CPE: variants seen among roughly 807,000 people sequenced by gnomAD.
The protein encoded by CPE is carboxypeptidase E.
A neutral mutation model predicts 53.5 loss-of-function variants in CPE; 17 were observed. The ratio of observed to expected loss-of-function variants is 0.32; its 90% CI spans 0.22 to 0.48. The LOEUF is 0.48. Among genes scored for constraint, CPE ranks in the 20% least tolerant of loss-of-function variants. The pLI is 0.99. For missense variants in CPE, 524 were observed against 614.7 expected, an observed-to-expected ratio of 0.85 and a Z score of 1.56; for synonymous variants, 226 against 228.8, an observed-to-expected ratio of 0.99 and a Z score of 0.11.
chr4:165,467,471 G>A (rs1336676872), intron 2 of CPE, among the ~76,000 whole-genome samples: 5 of 152,192 alleles, frequency 3.3e-5, no homozygotes, highest in Admixed American at 1.3e-4. Context: ...TCTGTCAGTC[G>A]TGGTAAGAAA....
intron 3 of CPE, among the ~76,000 whole-genome samples, chr4:165,474,280 A>G (rs72703696): frequency 0.15 from 22,106 of 152,104 alleles, 1,935 homozygotes; most frequent in East Asian, 0.24. Flanking sequence ...TCCAAGGCTG[A>G]CTTTTGTATT....
chr4:165,456,539 T>C (rs1042075335), intron 1 of CPE, among the ~76,000 whole-genome samples: 7 of 148,946 alleles, frequency 4.7e-5, no homozygotes, highest in Non-Finnish European at 8.8e-5. Flanking sequence ...TCTCTCTTTC[T>C]TTGTTTCTCT....
At chr4:165,416,992 T>G (rs868361263) in intron 1 of CPE, among the ~76,000 whole-genome samples, 2 of 152,192 alleles carry the variant, frequency 1.3e-5, no homozygotes, top group African/African-American at 4.8e-5. Context: ...CTTTCTTCAC[T>G]GTAATCTTGC....
chr4:165,474,188 A>T (rs1283787589), intron 3 of CPE, among the ~76,000 whole-genome samples: 4 of 152,196 alleles, frequency 2.6e-5, no homozygotes, highest in African/African-American at 9.7e-5. Context: ...CCTTCTCCTT[A>T]TCTCTATCCT....
chr4:165,386,138 C>T (rs985310113), intron 1 of CPE: 11 of 452,854 alleles, frequency 2.4e-5, no homozygotes, highest in African/African-American at 2.1e-4. Context: ...TATGAAATGA[C>T]AATAATGTGA....
chr4:165,404,551 A>G, intron 1 of CPE: 2 of 909,176 alleles, frequency 2.2e-6, no homozygotes, highest in Non-Finnish European at 3.7e-6. Flanking sequence ...CTTTGCCCAG[A>G]TCTTTGGCCA....
intron 1 of CPE, among the ~76,000 whole-genome samples, chr4:165,412,849 C>T (rs1244327409): frequency 6.6e-6 from 1 of 152,234 alleles, no homozygotes; most frequent in Non-Finnish European, 1.5e-5. Context: ...GCTTCCCAGC[C>T]TCTAAGCAGC....
intron 1 of CPE, among the ~76,000 whole-genome samples, chr4:165,457,198 T>C (rs1731917052): frequency 6.6e-6 from 1 of 152,200 alleles, no homozygotes; most frequent in African/African-American, 2.4e-5. Flanking sequence ...TACTGGCATA[T>C]GAGAGCCTAT....
At chr4:165,427,180 C>T (rs1161356710) in intron 1 of CPE, among the ~76,000 whole-genome samples, 1 of 138,526 alleles carries the variant, frequency 7.2e-6, no homozygotes, top group Non-Finnish European at 1.6e-5. Flanking sequence ...GCAGGCATGT[C>T]TTAGGCAAGC....
At chr4:165,457,577 G>A (rs1731922882) in intron 1 of CPE, among the ~76,000 whole-genome samples, 2 of 152,150 alleles carry the variant, frequency 1.3e-5, no homozygotes, top group African/African-American at 4.8e-5. Flanking sequence ...TATATTAAAA[G>A]CAAATGCATA....
At chr4:165,448,784 G>A (rs914095387) in intron 1 of CPE, among the ~76,000 whole-genome samples, 39 of 151,708 alleles carry the variant, frequency 2.6e-4, no homozygotes, top group African/African-American at 8.5e-4. Flanking sequence ...ATATTCATAA[G>A]CTAGAATGTG....
chr4:165,381,399 G>A (rs759852175), intron 1 of CPE: 5 of 438,910 alleles, frequency 1.1e-5, no homozygotes, highest in South Asian at 4.9e-5. Context: ...TGAATATGCA[G>A]TGTGGAAAAA....
intron 1 of CPE, among the ~76,000 whole-genome samples, chr4:165,399,035 GTACT>G (rs1286439923): frequency 6.6e-6 from 1 of 152,010 alleles, no homozygotes; most frequent in East Asian, 1.9e-4. Context: ...TTTTATTGTG[GTACT>G]TACTTATATT....
intron 8 of CPE, among the ~76,000 whole-genome samples, chr4:165,496,853 G>T (rs1732712317): frequency 6.6e-6 from 1 of 152,228 alleles, no homozygotes; most frequent in Admixed American, 6.5e-5. Context: ...ATTAGGAAAA[G>T]ATTCAAGGCT....
chr4:165,418,281 G>C (rs970033933), intron 1 of CPE: 2 of 152,310 alleles, frequency 1.3e-5, no homozygotes, highest in South Asian at 4.1e-4. Context: ...AATACAGAAG[G>C]CCAGAAGGTG....
intron 6 of CPE, among the ~76,000 whole-genome samples, chr4:165,489,520 A>G (rs1021968952): frequency 6.6e-6 from 1 of 152,150 alleles, no homozygotes; most frequent in African/African-American, 2.4e-5. Context: ...AGCTACAAGG[A>G]GCAATAACAG....
chr4:165,459,674 T>TGGGGGGG (rs572743841), intron 1 of CPE, among the ~76,000 whole-genome samples: 12 of 56,628 alleles, frequency 2.1e-4, no homozygotes, highest in African/African-American at 4.3e-4. Context: ...GAGGGCTGGG[T>TGGGGGGG]GGGGGGGGGC....
intron 1 of CPE, among the ~76,000 whole-genome samples, chr4:165,415,961 G>A (rs1731115764): frequency 6.6e-6 from 1 of 152,018 alleles, no homozygotes; most frequent in African/African-American, 2.4e-5. Flanking sequence ...ATCCCCCAGA[G>A]GTAAACACTA....
At chr4:165,478,839 G>C (rs894546034) in intron 3 of CPE, among the ~76,000 whole-genome samples, 2 of 151,962 alleles carry the variant, frequency 1.3e-5, no homozygotes, top group Admixed American at 6.6e-5. Flanking sequence ...CCTTACCCCC[G>C]ACAGATGGGC....
Sources: gnomAD v4.1 joint callset for allele counts (sites outside exome capture counted in the v4.1 genomes callset) on GRCh38, gnomAD v4.1.1 for gene constraint, MANE v1.5 for transcripts, NCBI Gene and HGNC (gene_info 2026-07-23, HGNC 2026-07-21) for gene names.